The following BLVRB variants were observed in gnomAD, a reference collection of about 807,000 sequenced individuals.
The protein encoded by BLVRB is flavin reductase (NADPH).
A neutral mutation model predicts 21.1 loss-of-function variants in BLVRB; 25 were observed. The ratio of observed to expected loss-of-function variants is 1.19; its 90% CI spans 0.86 to 1.66. BLVRB has a LOEUF of 1.66. Among genes scored for constraint, BLVRB ranks in the 40% most tolerant of loss-of-function variants. The pLI, the probability that BLVRB is intolerant of heterozygous loss-of-function variation, is 0.00. For missense variants in BLVRB, 274 were observed against 282.7 expected (o/e 0.97, Z 0.22); for synonymous variants, 128 against 122.2 (o/e 1.05, Z -0.31).
At chr19:40,448,648 T>TATA (rs2079725863) in intron 4 of BLVRB, among the ~76,000 whole-genome samples, 1 of 141,670 alleles carries the variant, frequency 7.1e-6, no homozygotes, top group Non-Finnish European at 1.5e-5. Context: ...TATATATTTG[T>TATA]CAGATAGATA....
rs868132100 is a variant in BLVRB, at chr19:40,461,120, T to A, written c.80-2575A>T. ...CTGGTCTCGAACTCCTGGACTCAAGTAATCTGCCTGGCATGGCCTCCCAAA... is the reference window on the plus strand; with the variant it reads ...CTGGTCTCGAACTCCTGGACTCAAGAAATCTGCCTGGCATGGCCTCCCAAA... On this transcript the variant is annotated intron_variant, in intron 1 of 4. Coordinates refer to ENST00000263368, the MANE Select transcript of BLVRB (RefSeq NM_000713.3). Among the ~76,000 whole-genome samples, 29 of 152,048 alleles carry A rather than the reference T, an allele frequency of 1.9e-4. No homozygotes were observed. In the Middle Eastern group the frequency reaches 0.014, roughly 71 times the overall value.
chr19:40,448,616 T>A (rs1194159101), intron 4 of BLVRB, among the ~76,000 whole-genome samples: 4,856 of 50,548 alleles, frequency 0.096, 176 homozygotes, highest in African/African-American at 0.28. Context: ...CAAATATATA[T>A]ATATATATAT....
At chr19:40,459,206 G>T (rs2079775583) in intron 1 of BLVRB, among the ~76,000 whole-genome samples, 1 of 150,206 alleles carries the variant, frequency 6.7e-6, no homozygotes, top group African/African-American at 2.4e-5. Context: ...GCACATACCT[G>T]TAATCCCAAG....
intron 1 of BLVRB, among the ~76,000 whole-genome samples, chr19:40,462,817 G>A (rs1245676611): frequency 1.3e-5 from 2 of 148,934 alleles, no homozygotes; most frequent in Non-Finnish European, 3.0e-5. Flanking sequence ...GGCTGAACTC[G>A]GGAGGCGGAG....
chr19:40,448,611 A>AACAAC (rs1568735623), intron 4 of BLVRB, among the ~76,000 whole-genome samples: 4,447 of 21,700 alleles, frequency 0.2, 145 homozygotes, highest in African/African-American at 0.31. Context: ...AACAACAAAT[A>AACAAC]TATATATATA....
At chr19:40,448,161 G>C in intron 4 of BLVRB, 115 bp from the exon 5 acceptor site, 1 of 1,142,014 alleles carries the variant, frequency 8.8e-7, no homozygotes, top group South Asian at 1.6e-5. Flanking sequence ...CCTGGGTGGT[G>C]TCACAGCCAA....
intron 1 of BLVRB, among the ~76,000 whole-genome samples, chr19:40,459,795 T>G (rs1481730456): frequency 6.6e-6 from 1 of 152,158 alleles, no homozygotes; most frequent in Non-Finnish European, 1.5e-5. Flanking sequence ...GGTCTTGAAC[T>G]CCTAACCTCA....
At chr19:40,458,649 C>T (rs2079773645) in intron 1 of BLVRB, 104 bp from the exon 2 acceptor site, 23 of 1,361,174 alleles carry the variant, frequency 1.7e-5, no homozygotes, top group South Asian at 4.5e-5. Flanking sequence ...CCATCCCCTC[C>T]TCTGTTCTGG....
chr19:40,461,852 T>C (rs2079789082), intron 1 of BLVRB, among the ~76,000 whole-genome samples: 1 of 152,170 alleles, frequency 6.6e-6, no homozygotes, highest in African/African-American at 2.4e-5. Context: ...TCCTGCCTCC[T>C]GGACTTTGCA....
rs768339077 is a variant in BLVRB at position 40,448,019 on chromosome 19, G to A, written c.491C>T (p.Thr164Ile). 1.7e-5 allele frequency: 28 copies of A among 1,613,728 alleles called. No homozygotes were observed. Among genetic ancestry groups the A allele is most frequent in the Non-Finnish European group, 2.4e-5 (28 of 1,179,834 alleles). The change falls in exon 5 of 5, where the codon ACA (threonine) becomes ATA (isoleucine). Residue 164 changes from threonine to isoleucine, a missense_variant. Transcript: ENST00000263368. ...IGDQPLTGAY[T>I]VTLDGRGPSR... ...GGGCCCTCGTCCATCCAGGGTCACT[G>A]TGTACGCCCCAGTTAGTGGCTGGTC...
intron 4 of BLVRB, among the ~76,000 whole-genome samples, chr19:40,449,461 G>C (rs1281400858): frequency 6.6e-6 from 1 of 151,950 alleles, no homozygotes; most frequent in Non-Finnish European, 1.5e-5. Context: ...GGCCAGGCTG[G>C]TTTTGAACTC....
chr19:40,458,813 C>T (rs1168760926), intron 1 of BLVRB, among the ~76,000 whole-genome samples: 1 of 151,988 alleles, frequency 6.6e-6, no homozygotes, highest in Non-Finnish European at 1.5e-5. Context: ...CCCATCTCAG[C>T]ACCCCAAGTA....
chr19:40,460,272 A>ATATATATATATATATATATATATT, intron 1 of BLVRB, among the ~76,000 whole-genome samples: 1 of 140,610 alleles, frequency 7.1e-6, no homozygotes, highest in South Asian at 2.2e-4. Flanking sequence ...ATATATATAT[A>ATATATATATATATATATATATATT]TATTTAGAGA....
intron 1 of BLVRB, among the ~76,000 whole-genome samples, chr19:40,459,111 C>T (rs1158319029): frequency 6.6e-6 from 1 of 150,990 alleles, no homozygotes; most frequent in Non-Finnish European, 1.5e-5. Flanking sequence ...GGGCAGATCA[C>T]CTGAGGTCAG....
rs768101034 is a variant in BLVRB at position 40,458,287 on chromosome 19, G to A, written c.245-43C>T. ...GTGGCTGTCACTGGTGGGCGGCGGC[G>A]GCGGCAGGGGTGGCAGGGGCGGGGC... is the stretch of plus-strand genomic sequence containing the variant. On this transcript the variant is annotated intron_variant, in intron 2 of 4. Transcript: ENST00000263368. 39 of 1,560,204 alleles carry A rather than the reference G, an allele frequency of 2.5e-5. No individual in the cohort carries two copies. In the East Asian group the frequency reaches 4.2e-4, roughly 17 times the overall value.
chr19:40,450,929 G>A (rs1254220229), intron 4 of BLVRB, among the ~76,000 whole-genome samples: 2 of 117,874 alleles, frequency 1.7e-5, no homozygotes, highest in African/African-American at 3.2e-5. Context: ...AAGCCATGGC[G>A]GGGCATGGTG....
chr19:40,449,371 G>A (rs965314006), intron 4 of BLVRB, among the ~76,000 whole-genome samples: 1 of 151,776 alleles, frequency 6.6e-6, no homozygotes, highest in Admixed American at 6.6e-5. Flanking sequence ...TCAGCCTCCC[G>A]AGTATCTGGG....
intron 1 of BLVRB, 66 bp downstream of exon 1, chr19:40,465,544 A>G (rs2079809317): frequency 1.3e-6 from 2 of 1,547,156 alleles, no homozygotes; most frequent in Non-Finnish European, 1.7e-6. Context: ...GCCCGACCCC[A>G]TGGTGCCCCT....
chr19:40,449,525 T>C (rs928210088), intron 4 of BLVRB, among the ~76,000 whole-genome samples: 2 of 152,104 alleles, frequency 1.3e-5, no homozygotes, highest in African/African-American at 2.4e-5. Context: ...GGATTACAGA[T>C]GTGAGCCACC....
Sources: gnomAD v4.1 joint callset for allele counts (sites outside exome capture counted in the v4.1 genomes callset) on GRCh38, gnomAD v4.1.1 for gene constraint, MANE v1.5 for transcripts, NCBI Gene and HGNC (gene_info 2026-07-23, HGNC 2026-07-21) for gene names.